DENND4C: variants seen among roughly 807,000 people sequenced by gnomAD.
DENND4C encodes DENN domain-containing protein 4C.
A neutral mutation model predicts 203.0 loss-of-function variants in DENND4C; 108 were observed. That is an observed-to-expected ratio of 0.53 (90% CI 0.46 to 0.62). The LOEUF (loss-of-function observed/expected upper bound fraction) is 0.62, where lower values mean the gene tolerates loss of function less well. Among genes scored for constraint, DENND4C ranks in the 20% least tolerant of loss-of-function variants. The pLI is 0.00. For synonymous variants in DENND4C, 871 were observed against 792.4 expected, an observed-to-expected ratio of 1.10 and a Z score of -1.67; for missense variants, 2,481 against 2,301.2, an observed-to-expected ratio of 1.08 and a Z score of -1.60.
At chr9:19,260,698 A>G (rs1312753526) in intron 1 of DENND4C, among the ~76,000 whole-genome samples, 2 of 152,132 alleles carry the variant, frequency 1.3e-5, no homozygotes, top group Admixed American at 6.6e-5. Context: ...TGCTCGGCCT[A>G]TGTTCTGGTT....
intron 1 of DENND4C, among the ~76,000 whole-genome samples, chr9:19,262,647 G>A (rs1829658956): frequency 6.6e-6 from 1 of 151,936 alleles, no homozygotes; most frequent in African/African-American, 2.4e-5. Context: ...GGCCAGACTG[G>A]TCTTTAATTC....
chr9:19,255,759 T>C (rs145897268), intron 1 of DENND4C, among the ~76,000 whole-genome samples: 1 of 152,128 alleles, frequency 6.6e-6, no homozygotes, highest in Non-Finnish European at 1.5e-5. Context: ...AAAAGACAAA[T>C]CCATAATTTT....
chr9:19,259,656 C>T (rs550001180), intron 1 of DENND4C, among the ~76,000 whole-genome samples: 1 of 152,018 alleles, frequency 6.6e-6, no homozygotes, highest in Admixed American at 6.5e-5. Flanking sequence ...CAGGCATGTC[C>T]CACCACTCCT....
At position 19,297,651 on chromosome 9, in the gene DENND4C, T is replaced by C. The variant is rs548532742; in HGVS notation, c.1041-405T>C. ...AATTTTTATAGGTGCAAAAATAGAA[T>C]GGGTAGGTGGTTCATCCAGTGTTAG... On this transcript the variant is annotated intron_variant, in intron 6 of 32. Transcript: ENST00000434457. Among the ~76,000 whole-genome samples the C allele has an allele frequency of 2.1e-4, 32 of 152,262 alleles. No individual in the cohort carries two copies. The East Asian group carries it at 3.3e-3, about 16-fold the overall frequency.
intron 1 of DENND4C, among the ~76,000 whole-genome samples, chr9:19,250,998 CCTT>C (rs1021081698): frequency 6.6e-6 from 1 of 152,324 alleles, no homozygotes; most frequent in South Asian, 2.1e-4. Flanking sequence ...ACGGTGACCA[CCTT>C]CTCACAGCTC....
chr9:19,348,228 G>A (rs111261864), intron 23 of DENND4C, among the ~76,000 whole-genome samples: 2 of 152,178 alleles, frequency 1.3e-5, no homozygotes, highest in African/African-American at 4.8e-5. Flanking sequence ...AACTCAGAGA[G>A]GCTAATTAGC....
At chr9:19,353,186 G>A (rs536520764) in intron 26 of DENND4C, among the ~76,000 whole-genome samples, 4 of 152,140 alleles carry the variant, frequency 2.6e-5, no homozygotes, top group Non-Finnish European at 5.9e-5. Flanking sequence ...CAAATTCTAG[G>A]CAATAGATAT....
chr9:19,238,175 T>G (rs1564073857), intron 1 of DENND4C, among the ~76,000 whole-genome samples: 1 of 151,108 alleles, frequency 6.6e-6, no homozygotes, highest in Non-Finnish European at 1.5e-5. Flanking sequence ...CTGTGCCTCC[T>G]GGATTCAAGC....
At chr9:19,322,379 C>G (rs1186785709) in intron 12 of DENND4C, among the ~76,000 whole-genome samples, 1 of 151,938 alleles carries the variant, frequency 6.6e-6, no homozygotes, top group Non-Finnish European at 1.5e-5. Context: ...AGAGTATTGA[C>G]AAAACAGTAA....
At chr9:19,339,964 C>G (rs1407047942) in intron 20 of DENND4C, among the ~76,000 whole-genome samples, 2 of 152,052 alleles carry the variant, frequency 1.3e-5, no homozygotes, top group African/African-American at 4.8e-5. Context: ...CCCGTGTTGG[C>G]CAGTGGGAGC....
intron 1 of DENND4C, among the ~76,000 whole-genome samples, chr9:19,236,527 A>G (rs780171945): frequency 1.3e-5 from 2 of 152,200 alleles, no homozygotes; most frequent in Non-Finnish European, 2.9e-5. Flanking sequence ...TTAAGACTAT[A>G]TTGTAGAGAA....
chr9:19,319,194 C>T (rs1227567952), intron 12 of DENND4C, among the ~76,000 whole-genome samples: 6 of 145,058 alleles, frequency 4.1e-5, no homozygotes, highest in Non-Finnish European at 6.0e-5. Context: ...TATATATACA[C>T]GTATATACAC....
rs901864451 is a variant in DENND4C, at chr9:19,248,542, G to A, written c.-18+17709G>A. ...GTAGCTGGGATTACAGGCATGCGCCGCCTCGCCTGGCTAATTTTTGTATTT... is the reference window on the plus strand; with the variant it reads ...GTAGCTGGGATTACAGGCATGCGCCACCTCGCCTGGCTAATTTTTGTATTT... On this transcript the variant is annotated intron_variant, in intron 1 of 32. Coordinates refer to ENST00000434457, the MANE Select transcript of DENND4C (RefSeq NM_001330640.2). Among the ~76,000 whole-genome samples, 33 of 151,230 alleles carry A rather than the reference G, an allele frequency of 2.2e-4. 1 individual carries two copies. The highest frequency in any genetic ancestry group is 6.8e-4 in the African/African-American group (28 of 41,148).
chr9:19,360,828 T>G (rs1826316147), intron 29 of DENND4C, among the ~76,000 whole-genome samples: 1 of 152,214 alleles, frequency 6.6e-6, no homozygotes. Flanking sequence ...CTCCTGGAGT[T>G]GTAGATAATA....
chr9:19,348,437 A>C, intron 23 of DENND4C, among the ~76,000 whole-genome samples: 1 of 152,332 alleles, frequency 6.6e-6, no homozygotes, highest in East Asian at 1.9e-4. Context: ...TTTGAAGGAT[A>C]AATTTGACAT....
At chr9:19,277,582 T>C (rs1833133216) in intron 2 of DENND4C, among the ~76,000 whole-genome samples, 1 of 152,164 alleles carries the variant, frequency 6.6e-6, no homozygotes, top group Admixed American at 6.6e-5. Context: ...TTTTTAAATA[T>C]ATAGGATCAT....
At chr9:19,258,129 CAA>C (rs1311238819) in intron 1 of DENND4C, among the ~76,000 whole-genome samples, 4 of 151,894 alleles carry the variant, frequency 2.6e-5, no homozygotes, top group African/African-American at 4.8e-5. Flanking sequence ...AAAAATCAAT[CAA>C]TCAATCTATC....
upstream of DENND4C, chr9:19,230,587 G>C (rs1820254167): frequency 6.6e-6 from 1 of 152,124 alleles, no homozygotes; most frequent in South Asian, 2.1e-4. Flanking sequence ...CGCACTGTCC[G>C]ACGGCTCACA....
At chr9:19,269,918 C>A (rs1831282855) in intron 1 of DENND4C, among the ~76,000 whole-genome samples, 1 of 152,130 alleles carries the variant, frequency 6.6e-6, no homozygotes, top group Admixed American at 6.6e-5. Context: ...TCCAAGTATT[C>A]AAAGGTAATT....
Sources: gnomAD v4.1 joint callset for allele counts (sites outside exome capture counted in the v4.1 genomes callset) on GRCh38, gnomAD v4.1.1 for gene constraint, MANE v1.5 for transcripts, NCBI Gene and HGNC (gene_info 2026-07-23, HGNC 2026-07-21) for gene names.